EDARADD: variants seen among roughly 807,000 people sequenced by gnomAD.
EDARADD encodes the protein EDAR associated via death domain.
A neutral mutation model predicts 25.6 loss-of-function variants in EDARADD; 20 were observed. That is an observed-to-expected ratio of 0.78 (90% CI 0.55 to 1.14). The LOEUF is 1.14. EDARADD is among the 50% of genes most tolerant of loss of function. The pLI is 0.00. For missense variants in EDARADD, 225 were observed against 270.1 expected, an observed-to-expected ratio of 0.83 and a Z score of 1.17; for synonymous variants, 86 against 94.4, an observed-to-expected ratio of 0.91 and a Z score of 0.52.
chr1:236,409,310 T>C, intron 2 of EDARADD, 36 bp downstream of exon 2: 1 of 1,532,486 alleles, frequency 6.5e-7, no homozygotes, highest in East Asian at 2.3e-5. Flanking sequence ...GTGATAATTA[T>C]TGTTTTGCTT....
intron 4 of EDARADD, among the ~76,000 whole-genome samples, chr1:236,431,850 A>G (rs1367563464): frequency 1.7e-5 from 1 of 59,688 alleles, no homozygotes; most frequent in African/African-American, 3.6e-5. Flanking sequence ...GAACCCGGGA[A>G]GCGGAGCTTG....
intron 3 of EDARADD, among the ~76,000 whole-genome samples, chr1:236,416,243 C>T (rs1251842914): frequency 2.6e-5 from 4 of 152,122 alleles, no homozygotes; most frequent in South Asian, 2.1e-4. Flanking sequence ...TGAAATAAAT[C>T]GAGAATGGTG....
intron 3 of EDARADD, among the ~76,000 whole-genome samples, chr1:236,373,853 G>A (rs749415870): frequency 2.4e-4 from 37 of 152,132 alleles, no homozygotes; most frequent in Non-Finnish European, 1.3e-4. Context: ...TTGATAAGTT[G>A]TACTTTCATT....
chr1:236,465,858 A>T (rs116592483), intron 4 of EDARADD, among the ~76,000 whole-genome samples: 2,393 of 152,342 alleles, frequency 0.016, 23 homozygotes, highest in Admixed American at 0.028. Context: ...CAACCTGATA[A>T]TCAGAGCTAA....
At chr1:236,409,153 C>T in intron 1 of EDARADD, 63 bp from the exon 2 acceptor site, 4 of 1,191,962 alleles carry the variant, frequency 3.4e-6, no homozygotes, top group African/African-American at 3.1e-5. Flanking sequence ...TATCAAAGGA[C>T]TCATTTGTGG....
intron 5 of EDARADD, among the ~76,000 whole-genome samples, chr1:236,470,051 CCAT>C (rs1659318062): frequency 6.6e-6 from 1 of 152,174 alleles, no homozygotes; most frequent in South Asian, 2.1e-4. Flanking sequence ...CCCACCTCAG[CCAT>C]CCAAAGTGCT....
chr1:236,352,717 G>A (rs1666931215), intron 3 of EDARADD, among the ~76,000 whole-genome samples: 1 of 152,074 alleles, frequency 6.6e-6, no homozygotes, highest in Admixed American at 6.6e-5. Context: ...GCGTGGTGGT[G>A]GGCACCTGTA....
chr1:236,435,939 A>T (rs1658238378), intron 4 of EDARADD, among the ~76,000 whole-genome samples: 2 of 152,204 alleles, frequency 1.3e-5, no homozygotes, highest in Non-Finnish European at 2.9e-5. Context: ...AAGGAAGTCA[A>T]GATATATGCA....
chr1:236,363,409 A>G (rs978610756), intron 3 of EDARADD, among the ~76,000 whole-genome samples: 5 of 151,136 alleles, frequency 3.3e-5, no homozygotes, highest in African/African-American at 9.7e-5. Flanking sequence ...GGTTGTTGAA[A>G]AGTGTGTCAC....
At chr1:236,478,315 G>A (rs1159756716) in intron 5 of EDARADD, among the ~76,000 whole-genome samples, 2 of 151,076 alleles carry the variant, frequency 1.3e-5, no homozygotes, top group African/African-American at 2.4e-5. Context: ...GGAGAGTTGG[G>A]GAAAACCCTA....
Position 236,483,447 on chromosome 1 carries a change from A to T in EDARADD, c.*798A>T. On this transcript the variant is annotated 3_prime_UTR_variant, in exon 6 of 6. Transcript: ENST00000334232. Reference sequence around the variant, plus strand: ...ACAAGAGAAGATTGACAAACTTATGATAGAGATGGATGGAACAGAAAATAA... The same window carrying T: ...ACAAGAGAAGATTGACAAACTTATGTTAGAGATGGATGGAACAGAAAATAA... The T allele has an allele frequency of 9.5e-7, 1 of 1,049,960 alleles. No homozygotes were observed. Among genetic ancestry groups the T allele is most frequent in the South Asian group, 1.3e-5 (1 of 79,892 alleles). 65.0% of individuals were successfully genotyped at this position (1,049,960 alleles called of 1,614,324 possible). A position where few individuals can be genotyped will look rare whatever the true frequency, so the allele number is the denominator to read the frequency against.
intron 4 of EDARADD, among the ~76,000 whole-genome samples, chr1:236,457,865 C>T (rs191133526): frequency 7.7e-4 from 116 of 151,528 alleles, no homozygotes; most frequent in African/African-American, 2.6e-3. Flanking sequence ...GGCAAAAATG[C>T]TTGCTTTTTA....
Position 236,440,899 on chromosome 1 carries a change from G to A in EDARADD, c.219+13449G>A, listed in dbSNP as rs560484012. Among the ~76,000 whole-genome samples, 34 of 152,116 alleles carry A rather than the reference G, an allele frequency of 2.2e-4. No individual in the cohort carries two copies. The East Asian group carries it at 3.5e-3, about 16-fold the overall frequency. On this transcript the variant is annotated intron_variant, in intron 4 of 5. Transcript: ENST00000334232. ...CTATTCCCTGAGACACAACAGTATC[G>A]AAACTAGGCCAGTTGATAACCCTAC...
chr1:236,467,430 A>G (rs548554969), intron 4 of EDARADD, among the ~76,000 whole-genome samples: 2,165 of 142,332 alleles, frequency 0.015, 58 homozygotes, highest in African/African-American at 0.052. Flanking sequence ...ACACGCGCAC[A>G]CACACACACA....
At chr1:236,393,695 C>G (rs138439638), upstream of EDARADD, among the ~76,000 whole-genome samples, 578 of 152,136 alleles carry the variant, frequency 3.8e-3, 4 homozygotes, top group African/African-American at 0.011. Context: ...CTGCACCCAG[C>G]CCAAAAATGT....
At chr1:236,438,751 C>G (rs1658325185) in intron 4 of EDARADD, among the ~76,000 whole-genome samples, 2 of 152,148 alleles carry the variant, frequency 1.3e-5, no homozygotes, top group African/African-American at 4.8e-5. Context: ...CCCATTCACT[C>G]CCTGCCCCCA....
intron 4 of EDARADD, among the ~76,000 whole-genome samples, chr1:236,444,704 G>A (rs1012997953): frequency 1.3e-5 from 2 of 152,270 alleles, no homozygotes; most frequent in Non-Finnish European, 2.9e-5. Context: ...GATTATAGGC[G>A]TGAGCCACCG....
At chr1:236,470,125 A>G (rs1469076775) in intron 5 of EDARADD, among the ~76,000 whole-genome samples, 1 of 152,096 alleles carries the variant, frequency 6.6e-6, no homozygotes, top group Non-Finnish European at 1.5e-5. Flanking sequence ...ACTATCCTAT[A>G]TTTCTAAAAT....
chr1:236,429,353 C>T (rs3121600), intron 4 of EDARADD, among the ~76,000 whole-genome samples: 149,917 of 150,802 alleles, frequency 0.99, 74,524 homozygotes, highest in Middle Eastern at 1. Flanking sequence ...ATCACAGGTG[C>T]GCGCCACCAT....
Sources: allele counts gnomAD v4.1 joint callset (sites outside exome capture counted in the v4.1 genomes callset), GRCh38; gene constraint gnomAD v4.1.1; transcripts MANE v1.5; gene names NCBI Gene and HGNC (gene_info 2026-07-23, HGNC 2026-07-21).